Variants in CDH11 observed in about 807,000 individuals in gnomAD.
CDH11 encodes the protein cadherin 11, also known as cadherin-11.
CDH11 carries 11 observed loss-of-function variants against 67.8 expected under a neutral mutation model. The ratio of observed to expected loss-of-function variants is 0.16; its 90% confidence interval spans 0.10 to 0.27. CDH11 has a LOEUF of 0.27. Among genes scored for constraint, CDH11 ranks in the 10% least tolerant of loss-of-function variants. CDH11 has a pLI of 1.00. For synonymous variants in CDH11, 419 were observed against 400.0 expected, an observed-to-expected ratio of 1.05 and a Z score of -0.57; for missense variants, 847 against 1,031.2, an observed-to-expected ratio of 0.82 and a Z score of 2.45.
At chr16:64,979,401 C>T (rs537116964) in intron 8 of CDH11, among the ~76,000 whole-genome samples, 163 of 152,254 alleles carry the variant, frequency 1.1e-3, no homozygotes, top group Non-Finnish European at 1.6e-3. Context: ...GAGCTGAGAT[C>T]GTGCCACTGC....
intron 11 of CDH11, among the ~76,000 whole-genome samples, chr16:64,954,956 A>AAAT (rs1555511879): frequency 6.6e-6 from 1 of 151,762 alleles, no homozygotes; most frequent in East Asian, 1.9e-4. Flanking sequence ...AATAAAAAAA[A>AAAT]AAAAAAAAGG....
Position 64,943,913 on chromosome 16 carries a change from A to T in CDH11, c.*3690T>A, listed in dbSNP as rs1432578535. The T allele has an allele frequency of 4.3e-6, 1 of 229,938 alleles. No homozygotes were observed. The highest frequency in any genetic ancestry group is 8.6e-6 in the Non-Finnish European group (1 of 116,090). 14.2% of individuals were successfully genotyped at this position (229,938 alleles called of 1,614,324 possible). On this transcript the variant is annotated 3_prime_UTR_variant, in exon 13 of 13. Coordinates refer to ENST00000268603, the MANE Select transcript of CDH11 (RefSeq NM_001797.4). The stretch of plus-strand genomic sequence containing the variant: ...GTCCCACCCACCCACACACATACAT[A>T]AAGCCAAAAAGCAAAATAAGTTTAA...
chr16:65,106,666 C>T (rs1223989673), intron 1 of CDH11, among the ~76,000 whole-genome samples: 1 of 152,132 alleles, frequency 6.6e-6, no homozygotes, highest in Admixed American at 6.6e-5. Flanking sequence ...CTTCTTTCAA[C>T]AACCCTTCAA....
intron 1 of CDH11, among the ~76,000 whole-genome samples, chr16:65,117,436 T>C (rs1313135501): frequency 6.6e-6 from 1 of 152,204 alleles, no homozygotes; most frequent in African/African-American, 2.4e-5. Flanking sequence ...TATAAATTTG[T>C]GTAGCCTGGA....
chr16:64,978,220 T>A (rs550826096), intron 8 of CDH11, among the ~76,000 whole-genome samples: 5 of 152,054 alleles, frequency 3.3e-5, no homozygotes, highest in African/African-American at 4.8e-5. Context: ...AAATCAGGAG[T>A]TATTTTATTT....
intron 2 of CDH11, among the ~76,000 whole-genome samples, chr16:65,018,155 CCTT>C (rs1474806640): frequency 1.3e-5 from 2 of 152,120 alleles, no homozygotes; most frequent in African/African-American, 4.8e-5. Context: ...TTTGGTGACT[CCTT>C]CTCCACTCAA....
chr16:65,101,146 C>T (rs2074983938), intron 1 of CDH11, among the ~76,000 whole-genome samples: 1 of 152,154 alleles, frequency 6.6e-6, no homozygotes, highest in Non-Finnish European at 1.5e-5. Context: ...ATTTCCATTC[C>T]AACCACTTAC....
chr16:65,121,668 C>G lies in CDH11; in HGVS notation c.-298+212G>C, dbSNP rs1360735692. Among the ~76,000 whole-genome samples the G allele has an allele frequency of 4.6e-5, 7 of 152,196 alleles. No homozygotes were observed. The highest frequency in any genetic ancestry group is 8.8e-5 in the Non-Finnish European group (6 of 68,020). On this transcript the variant is annotated intron_variant, in intron 1 of 12. Coordinates refer to ENST00000268603, the MANE Select transcript of CDH11 (RefSeq NM_001797.4). This position sits in a 1 kb window ranked among gnomAD's most constrained non-coding sequence, Gnocchi z 4.1. ...TGAAGCCTCCGTCCCCTGCTTTGCCCGCGCCCACAGCTGGCTCCCTTCTCC... is the reference window on the plus strand; with the variant it reads ...TGAAGCCTCCGTCCCCTGCTTTGCCGGCGCCCACAGCTGGCTCCCTTCTCC...
chr16:65,035,057 G>A (rs1270077727), intron 2 of CDH11, among the ~76,000 whole-genome samples: 2 of 152,216 alleles, frequency 1.3e-5, no homozygotes, highest in Non-Finnish European at 2.9e-5. Flanking sequence ...GGTGCTGGGA[G>A]GCGGGGCTGG....
At chr16:65,068,200 A>G (rs1478346539) in intron 1 of CDH11, among the ~76,000 whole-genome samples, 3 of 145,168 alleles carry the variant, frequency 2.1e-5, no homozygotes. Context: ...AAATGAGAGA[A>G]GAAGGGAAAG....
chr16:65,046,638 G>T (rs2073966482), intron 2 of CDH11, among the ~76,000 whole-genome samples: 1 of 152,170 alleles, frequency 6.6e-6, no homozygotes, highest in South Asian at 2.1e-4. Flanking sequence ...TTGTTGCATA[G>T]AACATGGCAA....
intron 1 of CDH11, among the ~76,000 whole-genome samples, chr16:65,118,620 C>T (rs1009814778): frequency 3.9e-5 from 6 of 152,096 alleles, no homozygotes; most frequent in African/African-American, 1.4e-4. Context: ...GGGAGAAAAT[C>T]ATCCCAAACA....
Position 65,100,169 on chromosome 16 carries a change from G to C in CDH11, c.-298+21711C>G, listed in dbSNP as rs547733079. Reference sequence around the variant, plus strand: ...CGCTGGTTGGAAAAGTGGGTGGATAGTGTTGACATCACAGAAATATAGAAT... The same window carrying C: ...CGCTGGTTGGAAAAGTGGGTGGATACTGTTGACATCACAGAAATATAGAAT... On this transcript the variant is annotated intron_variant, in intron 1 of 12. Transcript: ENST00000268603. Among the ~76,000 whole-genome samples, 7 of 152,252 alleles carry C rather than the reference G, an allele frequency of 4.6e-5. No individual in the cohort carries two copies. In the South Asian group the frequency reaches 1.0e-3, roughly 23 times the overall value.
At chr16:65,109,368 A>G (rs2075119611) in intron 1 of CDH11, among the ~76,000 whole-genome samples, 1 of 152,146 alleles carries the variant, frequency 6.6e-6, no homozygotes, top group Admixed American at 6.5e-5. Flanking sequence ...ATTCCTTTCA[A>G]AGGTGTATCA....
intron 8 of CDH11, among the ~76,000 whole-genome samples, chr16:64,976,696 C>A (rs1416118202): frequency 6.6e-6 from 1 of 152,072 alleles, no homozygotes; most frequent in Non-Finnish European, 1.5e-5. Flanking sequence ...TCTATTTATA[C>A]TAAATATACA....
rs146172855 is a variant in CDH11 at position 65,037,730 on chromosome 16, G to A, written c.-173+16074C>T. On this transcript the variant is annotated intron_variant, in intron 2 of 12. Transcript: ENST00000268603. The stretch of plus-strand genomic sequence containing the variant: ...GGGACTCAGGCTGTTCCACTTCCCC[G>A]AGAAGACGAGAGTGCCAAGACCTGA... Among the ~76,000 whole-genome samples the A allele has an allele frequency of 4.5e-4, 69 of 152,152 alleles. No homozygotes were observed. In the East Asian group the frequency reaches 8.9e-3, roughly 20 times the overall value.
At chr16:65,083,491 T>A (rs1239959127) in intron 1 of CDH11, among the ~76,000 whole-genome samples, 1 of 152,164 alleles carries the variant, frequency 6.6e-6, no homozygotes, top group Non-Finnish European at 1.5e-5. Context: ...GAAGGGTGTG[T>A]CCAAATAGCA....
At chr16:64,998,506 C>T (rs1437469053) in intron 4 of CDH11, 56 bp downstream of exon 4, 1 of 1,544,116 alleles carries the variant, frequency 6.5e-7, no homozygotes, top group Non-Finnish European at 8.9e-7. Flanking sequence ...CTTCAGCCCA[C>T]CCACCACAGA....
chr16:64,982,230 C>G lies in CDH11; in HGVS notation c.1071G>C (p.Lys357Asn), dbSNP rs539135992. 1.2e-6 allele frequency: 2 copies of G among 1,614,000 alleles called. No homozygotes were observed. The highest frequency in any genetic ancestry group is 1.7e-6 in the Non-Finnish European group (2 of 1,179,886). Reference sequence around the variant, plus strand: ...CCTTGAAAGGGCCATTGCTGATAAACTTCGGGTCGATGTGCACGTTGGCTG... The same window carrying G: ...CCTTGAAAGGGCCATTGCTGATAAAGTTCGGGTCGATGTGCACGTTGGCTG... The part of the protein sequence containing the change: ...VEAANVHIDP[K>N]FISNGPFKDT... The change falls in exon 8 of 13, where the codon AAG (lysine) becomes AAC (asparagine). Residue 357 changes from lysine to asparagine, a missense_variant. This residue lies in a region of CDH11 where 612 missense variants were observed against 678.7 expected (regional missense o/e 0.90). Coordinates refer to ENST00000268603, the MANE Select transcript of CDH11 (RefSeq NM_001797.4).
Sources: allele counts gnomAD v4.1 joint callset (sites outside exome capture counted in the v4.1 genomes callset), GRCh38; gene constraint gnomAD v4.1.1; regional missense constraint gnomAD v4.1.1; non-coding constraint Gnocchi (gnomAD v3.1); transcripts MANE v1.5; gene names NCBI Gene and HGNC (gene_info 2026-07-23, HGNC 2026-07-21).